Variants in ANXA4 observed in about 807,000 individuals in gnomAD.
ANXA4 encodes the protein annexin A4, also known as 35-beta calcimedin.
A neutral mutation model predicts 49.8 loss-of-function variants in ANXA4; 39 were observed. The observed-to-expected ratio is 0.78, with a 90% confidence interval of 0.61 to 1.02. ANXA4 has a LOEUF of 1.02. Ranked by LOEUF, ANXA4 falls within the 50% of genes least tolerant of loss-of-function variation. ANXA4 has a pLI of 0.00. For synonymous variants in ANXA4, 134 were observed against 152.5 expected, an observed-to-expected ratio of 0.88 and a Z score of 0.89; for missense variants, 360 against 410.1, an observed-to-expected ratio of 0.88 and a Z score of 1.05.
chr2:69,819,705 G>C (rs778985461), intron 11 of ANXA4, among the ~76,000 whole-genome samples: 9 of 152,112 alleles, frequency 5.9e-5, no homozygotes, highest in Admixed American at 3.3e-4. Flanking sequence ...TCTAGCTCCA[G>C]AGCCCGTATT....
intron 8 of ANXA4, 54 bp from the exon 9 acceptor site, chr2:69,816,045 CTG>C: frequency 2.2e-6 from 3 of 1,383,420 alleles, no homozygotes. Context: ...AAATATTTGC[CTG>C]TGTCCTGGCA....
intron 9 of ANXA4, chr2:69,817,502 G>T (rs1345384009): frequency 3.3e-5 from 5 of 152,142 alleles, no homozygotes; most frequent in Non-Finnish European, 1.5e-5. Context: ...TAAGTTCTTT[G>T]ATTCCAAGCC....
At position 69,820,745 on chromosome 2, in the gene ANXA4, G is replaced by A. The variant is rs746362669; in HGVS notation, c.830G>A (p.Arg277Gln). 1.1e-5 allele frequency: 18 copies of A among 1,613,978 alleles called. No individual in the cohort carries two copies. Among genetic ancestry groups the A allele is most frequent in the South Asian group, 7.7e-5 (7 of 91,074 alleles). Residue 277 changes from arginine to glutamine, a missense_variant, in exon 12 of 13, where the codon CGA (arginine) becomes CAA (glutamine). By Grantham distance (43) the Arg-to-Gln change is conservative. Transcript: ENST00000394295. Reference sequence around the variant, plus strand: ...ACCCTCATCAGAGTGATGGTTTCTCGAGCAGAAATTGACATGTTGGATATC... The same window carrying A: ...ACCCTCATCAGAGTGATGGTTTCTCAAGCAGAAATTGACATGTTGGATATC... ...DNTLIRVMVS[R>Q]AEIDMLDIRA...
rs1330507933 is a variant in ANXA4 at position 69,807,898 on chromosome 2, T to C, written c.307-8T>C. ...TCATATAGCCCTGTCCTCTGGTTTC[T>C]TGTTTAGGGAGCCGGCACTGATGAG... On this transcript the variant is annotated splice_region_variant and splice_polypyrimidine_tract_variant and intron_variant, in intron 5 of 12. Coordinates refer to ENST00000394295, the MANE Select transcript of ANXA4 (RefSeq NM_001153.5). 1.2e-6 allele frequency: 2 copies of C among 1,613,956 alleles called. No homozygotes were observed. The highest frequency in any genetic ancestry group is 8.5e-7 in the Non-Finnish European group (1 of 1,179,914).
At chr2:69,793,403 A>C (rs943383034) in intron 3 of ANXA4, among the ~76,000 whole-genome samples, 2 of 152,212 alleles carry the variant, frequency 1.3e-5, no homozygotes, top group Non-Finnish European at 2.9e-5. Context: ...AGTCACATGA[A>C]CTGAAAGGTA....
At chr2:69,784,541 A>G (rs1436970443) in intron 2 of ANXA4, among the ~76,000 whole-genome samples, 5 of 152,256 alleles carry the variant, frequency 3.3e-5, no homozygotes, top group Non-Finnish European at 7.3e-5. Flanking sequence ...GCGTATTACT[A>G]CTGATATATA....
chr2:69,799,425 A>G (rs904440204), intron 3 of ANXA4, among the ~76,000 whole-genome samples: 3 of 152,200 alleles, frequency 2.0e-5, no homozygotes, highest in Admixed American at 2.0e-4. Flanking sequence ...GAGCTGTCTT[A>G]TCTGTATTTT....
chr2:69,797,668 C>T (rs527410520), intron 3 of ANXA4, among the ~76,000 whole-genome samples: 1 of 152,294 alleles, frequency 6.6e-6, no homozygotes, highest in South Asian at 2.1e-4. Context: ...TAGTTGTAGG[C>T]AGAATGGGTG....
chr2:69,744,609 T>C (rs1452643514), intron 1 of ANXA4, among the ~76,000 whole-genome samples: 1 of 152,184 alleles, frequency 6.6e-6, no homozygotes, highest in Non-Finnish European at 1.5e-5. Flanking sequence ...TGGAGCAACT[T>C]TGAGTAACAC....
intron 2 of ANXA4, among the ~76,000 whole-genome samples, chr2:69,668,821 C>T (rs547175350): frequency 6.6e-6 from 1 of 152,294 alleles, no homozygotes; most frequent in African/African-American, 2.4e-5. Context: ...AATATTACCA[C>T]ATGTCCCACA....
At chr2:69,644,165 T>TTCCC (rs1553424953), upstream of ANXA4, among the ~76,000 whole-genome samples, 24 of 21,142 alleles carry the variant, frequency 1.1e-3, 3 homozygotes, top group African/African-American at 2.0e-3. Flanking sequence ...ACAACTAAGT[T>TTCCC]CCCCCCCCCC....
intron 3 of ANXA4, among the ~76,000 whole-genome samples, chr2:69,726,885 C>T (rs1208276451): frequency 2.0e-5 from 3 of 152,126 alleles, no homozygotes; most frequent in South Asian, 2.1e-4. Flanking sequence ...CACACACACA[C>T]AAGCAAATAT....
intron 2 of ANXA4, among the ~76,000 whole-genome samples, chr2:69,664,595 A>G (rs1195977756): frequency 1.3e-5 from 2 of 152,230 alleles, no homozygotes; most frequent in African/African-American, 2.4e-5. Context: ...AAGTATTACT[A>G]TTGACGGTAT....
At chr2:69,824,521 AG>A (rs1674380707) in intron 12 of ANXA4, among the ~76,000 whole-genome samples, 1 of 151,278 alleles carries the variant, frequency 6.6e-6, no homozygotes, top group African/African-American at 2.4e-5. Context: ...AAAAAAAAAA[AG>A]GTTTAAGAAA....
At chr2:69,656,927 T>C (rs1676523793) in intron 2 of ANXA4, among the ~76,000 whole-genome samples, 1 of 152,176 alleles carries the variant, frequency 6.6e-6, no homozygotes, top group Non-Finnish European at 1.5e-5. Context: ...TGGAAACAAC[T>C]GTGAAATATC....
intron 3 of ANXA4, among the ~76,000 whole-genome samples, chr2:69,795,042 A>G (rs1023379824): frequency 6.6e-6 from 1 of 152,180 alleles, no homozygotes; most frequent in Non-Finnish European, 1.5e-5. Flanking sequence ...GAAGTCTGAC[A>G]GAGCTGAGCT....
intron 2 of ANXA4, among the ~76,000 whole-genome samples, chr2:69,718,805 ACACACATGCTG>A (rs1464429600): frequency 7.8e-6 from 1 of 128,364 alleles, no homozygotes; most frequent in African/African-American, 5.0e-5. Context: ...ACGTGCATAC[ACACACATGCTG>A]CACACATGCA....
At chr2:69,679,609 A>G (rs1351934078) in intron 2 of ANXA4, among the ~76,000 whole-genome samples, 1 of 151,744 alleles carries the variant, frequency 6.6e-6, no homozygotes, top group Non-Finnish European at 1.5e-5. Flanking sequence ...TGTTTTCCCT[A>G]TGTTTTCTTC....
upstream of ANXA4, chr2:69,741,921 G>C (rs1188678335): frequency 1.3e-5 from 2 of 152,428 alleles, no homozygotes; most frequent in African/African-American, 4.8e-5. Context: ...GAGCAGGCAC[G>C]TGTGGAGGGC....
Sources: allele counts gnomAD v4.1 joint callset (sites outside exome capture counted in the v4.1 genomes callset), GRCh38; gene constraint gnomAD v4.1.1; transcripts MANE v1.5; gene names NCBI Gene and HGNC (gene_info 2026-07-23, HGNC 2026-07-21).